The following CNBD1 variants were observed in gnomAD, a reference collection of about 807,000 sequenced individuals.
CNBD1 encodes cyclic nucleotide-binding domain-containing protein 1.
A neutral mutation model predicts 54.4 loss-of-function variants in CNBD1; 71 were observed. The ratio of observed to expected loss-of-function variants is 1.30; its 90% CI spans 1.08 to 1.59. The LOEUF (loss-of-function observed/expected upper bound fraction) is 1.59. Ranked by LOEUF, CNBD1 falls within the 40% of genes most tolerant of loss-of-function variation. The probability of loss-of-function intolerance (pLI) is 0.00; values close to 1 mark genes in which losing one functional copy is unlikely to be tolerated. For synonymous variants in CNBD1, 182 were observed against 170.7 expected (o/e 1.07, Z -0.51); for missense variants, 659 against 518.0 (o/e 1.27, Z -2.64).
intron 8 of CNBD1, among the ~76,000 whole-genome samples, chr8:87,339,148 A>G (rs1323314836): frequency 1.3e-5 from 2 of 152,162 alleles, no homozygotes; most frequent in African/African-American, 4.8e-5. Flanking sequence ...GTTAAGGAGA[A>G]TGAAATGCTC....
intron 6 of CNBD1, among the ~76,000 whole-genome samples, chr8:87,240,692 AGTCAGG>A (rs1807678242): frequency 6.6e-6 from 1 of 152,092 alleles, no homozygotes; most frequent in South Asian, 2.1e-4. Flanking sequence ...GGCTCTTTCC[AGTCAGG>A]AAAGGAAGGA....
chr8:87,345,581 C>G (rs1239718843), intron 8 of CNBD1, among the ~76,000 whole-genome samples: 1 of 152,038 alleles, frequency 6.6e-6, no homozygotes, highest in Non-Finnish European at 1.5e-5. Flanking sequence ...TTCAGGCAAT[C>G]AATAAGTCAT....
Position 87,335,533 on chromosome 8 carries a change from T to C in CNBD1, c.1043-16152T>C, listed in dbSNP as rs141013465. Among the ~76,000 whole-genome samples the C allele has an allele frequency of 1.2e-4, 19 of 152,324 alleles. 1 individual carries two copies. In the East Asian group the frequency reaches 3.7e-3, roughly 29 times the overall value. On this transcript the variant is annotated intron_variant, in intron 8 of 10. Coordinates refer to ENST00000518476, the MANE Select transcript of CNBD1 (RefSeq NM_173538.3). ...CAGAGACTAGGGTTTCCACCTTTGC[T>C]TTTTTCTGCTCTCCATTTTTTTGGT... is the stretch of plus-strand genomic sequence containing the variant.
chr8:87,206,712 A>G (rs1450433440), intron 5 of CNBD1, among the ~76,000 whole-genome samples: 1 of 152,120 alleles, frequency 6.6e-6, no homozygotes, highest in Non-Finnish European at 1.5e-5. Context: ...ATATTAATAG[A>G]CTTGTTATAT....
Position 87,290,096 on chromosome 8 carries a change from CTAACT to C in CNBD1, c.1042+3429_1042+3433del, listed in dbSNP as rs1387805450. ...TAGCAGAATCTACTTCAGATTTTTA[CTAACT>C]TAATTCCAGTTTTAAATGTGACTCA... On this transcript the variant is annotated intron_variant, in intron 8 of 10. Coordinates refer to ENST00000518476, the MANE Select transcript of CNBD1 (RefSeq NM_173538.3). 2.0e-5 allele frequency among the ~76,000 whole-genome samples: 3 copies of C among 152,036 alleles called. No individual in the cohort carries two copies. The East Asian group carries it at 5.8e-4, about 29-fold the overall frequency.
At chr8:87,304,450 C>A (rs1044267531) in intron 8 of CNBD1, among the ~76,000 whole-genome samples, 6 of 151,216 alleles carry the variant, frequency 4.0e-5, no homozygotes, top group African/African-American at 1.2e-4. Context: ...AACACATGGA[C>A]ACAGGAAGGG....
chr8:87,394,165 C>G (rs956820699), intron 2 of CNBD1, among the ~76,000 whole-genome samples: 4 of 151,828 alleles, frequency 2.6e-5, no homozygotes, highest in Non-Finnish European at 5.9e-5. Flanking sequence ...GCATGTTACA[C>G]TATGGACTAT....
At chr8:87,130,697 A>G (rs957664189) in intron 4 of CNBD1, among the ~76,000 whole-genome samples, 1 of 151,314 alleles carries the variant, frequency 6.6e-6, no homozygotes, top group African/African-American at 2.4e-5. Flanking sequence ...GGATTGCTTG[A>G]GCCTGGGAGG....
intron 3 of CNBD1, among the ~76,000 whole-genome samples, chr8:86,937,436 A>G (rs909941868): frequency 1.3e-5 from 2 of 152,092 alleles, no homozygotes; most frequent in African/African-American, 4.8e-5. Context: ...TACCTTCCCA[A>G]CAGTCCCCCA....
intron 4 of CNBD1, among the ~76,000 whole-genome samples, chr8:87,025,722 C>T (rs1809628912): frequency 1.3e-5 from 2 of 152,222 alleles, no homozygotes; most frequent in Admixed American, 1.3e-4. Context: ...GTAACACTCA[C>T]TGTGAAGAAG....
At chr8:87,091,679 A>T (rs1053638096) in intron 4 of CNBD1, among the ~76,000 whole-genome samples, 1 of 152,204 alleles carries the variant, frequency 6.6e-6, no homozygotes, top group Non-Finnish European at 1.5e-5. Context: ...TGGGTGACTA[A>T]ATGTAAATGA....
At chr8:87,153,647 T>C (rs891477765) in intron 4 of CNBD1, among the ~76,000 whole-genome samples, 1 of 152,214 alleles carries the variant, frequency 6.6e-6, no homozygotes, top group East Asian at 1.9e-4. Flanking sequence ...GAAATATAAC[T>C]AATTGTTTAT....
intron 2 of CNBD1, among the ~76,000 whole-genome samples, chr8:87,408,963 C>G (rs1473540124): frequency 6.6e-6 from 1 of 152,044 alleles, no homozygotes; most frequent in Non-Finnish European, 1.5e-5. Flanking sequence ...TACGTGTTCC[C>G]TAAGGCCCGA....
intron 2 of CNBD1, among the ~76,000 whole-genome samples, chr8:87,399,862 C>A (rs1807516493): frequency 6.6e-6 from 1 of 151,900 alleles, no homozygotes; most frequent in Admixed American, 6.6e-5. Flanking sequence ...TAACCCAGAA[C>A]CATCACTGAA....
chr8:87,188,594 C>T (rs1240716521), intron 4 of CNBD1, among the ~76,000 whole-genome samples: 1 of 151,578 alleles, frequency 6.6e-6, no homozygotes, highest in Non-Finnish European at 1.5e-5. Flanking sequence ...GGTGTGGTAG[C>T]AGGTGCCTGT....
intron 2 of CNBD1, among the ~76,000 whole-genome samples, chr8:87,426,242 C>T (rs944235235): frequency 4.6e-5 from 7 of 152,186 alleles, no homozygotes; most frequent in East Asian, 1.9e-4. Context: ...GAGATGAACC[C>T]GGTACCTCAG....
intron 5 of CNBD1, among the ~76,000 whole-genome samples, chr8:87,209,738 A>G (rs2130800198): frequency 6.6e-6 from 1 of 152,344 alleles, no homozygotes; most frequent in East Asian, 1.9e-4. Context: ...CAAAAAGAAC[A>G]AAGCTAGAGG....
chr8:87,282,370 G>A (rs1808616562), intron 6 of CNBD1, among the ~76,000 whole-genome samples: 1 of 151,302 alleles, frequency 6.6e-6, no homozygotes, highest in Non-Finnish European at 1.5e-5. Context: ...CTAATTATTT[G>A]CCCTCCATTT....
In CNBD1 at chr8:86,939,691, T is replaced by C; in HGVS notation, c.368T>C (p.Ile123Thr). The C allele has an allele frequency of 6.2e-7, 1 of 1,603,888 alleles. No individual in the cohort carries two copies. Among genetic ancestry groups the C allele is most frequent in the South Asian group, 1.1e-5 (1 of 89,420 alleles). ...VHVQRAHGGH[I>T]LYRPKRATEK... is the part of the protein sequence containing the mutation. ...GTTCAGAGAGCACATGGTGGCCATATTTTATATAGACCAAAAAGAGCCACA... is the reference window on the plus strand; with the variant it reads ...GTTCAGAGAGCACATGGTGGCCATACTTTATATAGACCAAAAAGAGCCACA... The change falls in exon 4 of 11, where the codon ATT becomes ACT. Residue 123 changes from isoleucine (I) to threonine (T), a missense_variant. Transcript: ENST00000518476.
Sources: allele counts gnomAD v4.1 joint callset (sites outside exome capture counted in the v4.1 genomes callset), GRCh38; gene constraint gnomAD v4.1.1; transcripts MANE v1.5; gene names NCBI Gene and HGNC (gene_info 2026-07-23, HGNC 2026-07-21).